Variants in MTDH observed in about 807,000 individuals in gnomAD.
MTDH encodes the protein metadherin, also known as protein LYRIC.
MTDH carries 34 observed loss-of-function variants against 72.7 expected under a neutral mutation model. The observed-to-expected ratio is 0.47, with a 90% CI of 0.36 to 0.62. The LOEUF (loss-of-function observed/expected upper bound fraction) is 0.62. Among genes scored for constraint, MTDH ranks in the 20% least tolerant of loss-of-function variants. The pLI is 0.00. For missense variants in MTDH, 677 were observed against 699.4 expected (o/e 0.97, Z 0.36); for synonymous variants, 266 against 268.9 (o/e 0.99, Z 0.10).
intron 2 of MTDH, among the ~76,000 whole-genome samples, chr8:97,669,640 A>G (rs1302834276): frequency 4.0e-5 from 6 of 151,782 alleles, no homozygotes; most frequent in African/African-American, 9.7e-5. Flanking sequence ...ACTCCCGCCA[A>G]TCACAGTGGC....
At chr8:97,686,448 A>G (rs1443220470) in intron 2 of MTDH, among the ~76,000 whole-genome samples, 5 of 152,240 alleles carry the variant, frequency 3.3e-5, no homozygotes, top group Non-Finnish European at 5.9e-5. Flanking sequence ...CTTTTAAGGA[A>G]TAAATAAGAA....
At chr8:97,671,088 C>G (rs1190644782) in intron 2 of MTDH, among the ~76,000 whole-genome samples, 3 of 151,844 alleles carry the variant, frequency 2.0e-5, no homozygotes, top group Non-Finnish European at 2.9e-5. Flanking sequence ...GCCTCAGCCT[C>G]CCGAGTAGCT....
At chr8:97,690,718 C>A (rs1813568270) in intron 5 of MTDH, among the ~76,000 whole-genome samples, 1 of 152,066 alleles carries the variant, frequency 6.6e-6, no homozygotes, top group South Asian at 2.1e-4. Context: ...GTGTCATTTT[C>A]CTCTTTGCTC....
chr8:97,726,757 G>A lies in MTDH; in HGVS notation c.*2087G>A, dbSNP rs1815367946. Reference sequence around the variant, plus strand: ...TCTATTTCTTCTTTATGGCTCAAGAGCTAGGACTTGGATTTTGTTTTAAGA... The same window carrying A: ...TCTATTTCTTCTTTATGGCTCAAGAACTAGGACTTGGATTTTGTTTTAAGA... On this transcript the variant is annotated 3_prime_UTR_variant, in exon 12 of 12. Transcript: ENST00000336273. 6.6e-6 allele frequency: 1 copy of A among 152,196 alleles called. No homozygotes were observed. Among genetic ancestry groups the A allele is most frequent in the South Asian group, 2.1e-4 (1 of 4,822 alleles). 9.4% of individuals were successfully genotyped at this position (152,196 alleles called of 1,614,324 possible).
intron 1 of MTDH, among the ~76,000 whole-genome samples, chr8:97,647,452 A>G (rs973689288): frequency 2.0e-5 from 3 of 152,094 alleles, no homozygotes; most frequent in East Asian, 1.9e-4. Flanking sequence ...AGTCCCAGCT[A>G]TTCTGGAGGC....
intron 5 of MTDH, among the ~76,000 whole-genome samples, chr8:97,689,848 C>T (rs1287036699): frequency 2.0e-5 from 3 of 151,588 alleles, no homozygotes; most frequent in African/African-American, 7.3e-5. Context: ...GCAGGGATTA[C>T]AGGCGCCCAC....
intron 2 of MTDH, among the ~76,000 whole-genome samples, chr8:97,668,845 G>A (rs967473249): frequency 2.0e-5 from 3 of 151,904 alleles, no homozygotes; most frequent in African/African-American, 2.4e-5. Flanking sequence ...ATGAGCCACC[G>A]CGCCCGGCCA....
intron 2 of MTDH, among the ~76,000 whole-genome samples, chr8:97,668,282 A>G (rs1812471974): frequency 1.3e-5 from 2 of 152,034 alleles, no homozygotes; most frequent in African/African-American, 4.8e-5. Context: ...GCTAGACTGC[A>G]TCTCAAAAAA....
chr8:97,674,123 C>T (rs80134291), intron 2 of MTDH, among the ~76,000 whole-genome samples: 216 of 152,234 alleles, frequency 1.4e-3, no homozygotes, highest in Middle Eastern at 3.4e-3. Flanking sequence ...GTCACTGGCA[C>T]TCCAGCCTGA....
At chr8:97,724,557 T>G in intron 11 of MTDH, 43 bp from the exon 12 acceptor site, 1 of 1,353,668 alleles carries the variant, frequency 7.4e-7, no homozygotes, top group Non-Finnish European at 1.0e-6. Context: ...GTATTTACCA[T>G]CCTCCTAATT....
chr8:97,678,314 G>A (rs1334634131), intron 2 of MTDH, among the ~76,000 whole-genome samples: 1 of 152,186 alleles, frequency 6.6e-6, no homozygotes, highest in Non-Finnish European at 1.5e-5. Context: ...GAGTTAGGGA[G>A]AGATACCACC....
intron 2 of MTDH, among the ~76,000 whole-genome samples, chr8:97,683,021 T>A (rs1813197898): frequency 6.8e-6 from 1 of 147,668 alleles, no homozygotes; most frequent in South Asian, 2.2e-4. Flanking sequence ...GTTTCACCAC[T>A]TTACCCTATG....
At chr8:97,682,438 A>G (rs1252721504) in intron 2 of MTDH, among the ~76,000 whole-genome samples, 1 of 148,922 alleles carries the variant, frequency 6.7e-6, no homozygotes, top group Non-Finnish European at 1.5e-5. Context: ...AGCTGGGATT[A>G]TAGGCGCCCG....
intron 1 of MTDH, among the ~76,000 whole-genome samples, chr8:97,653,666 G>A (rs997838894): frequency 6.6e-6 from 1 of 152,192 alleles, no homozygotes; most frequent in Non-Finnish European, 1.5e-5. Flanking sequence ...TTACTGGTTA[G>A]TGTACTATTT....
intron 2 of MTDH, among the ~76,000 whole-genome samples, chr8:97,666,344 A>C (rs1271559754): frequency 6.6e-6 from 1 of 152,192 alleles, no homozygotes; most frequent in African/African-American, 2.4e-5. Flanking sequence ...TGTACAAAAC[A>C]TTTTCATATC....
chr8:97,708,264 C>CTTTTTTTTTTTTT (rs71271145), intron 8 of MTDH, among the ~76,000 whole-genome samples: 1 of 32,070 alleles, frequency 3.1e-5, no homozygotes, highest in Non-Finnish European at 5.0e-5. Flanking sequence ...CATGCCAGGC[C>CTTTTTTTTTTTTT]TTTTTTTTTT....
At chr8:97,675,800 A>T (rs1257156726) in intron 2 of MTDH, among the ~76,000 whole-genome samples, 1 of 151,746 alleles carries the variant, frequency 6.6e-6, no homozygotes. Flanking sequence ...TAAGCCCAGG[A>T]GGTAGAAGTT....
chr8:97,669,136 T>C (rs1179548750), intron 2 of MTDH, among the ~76,000 whole-genome samples: 1 of 152,194 alleles, frequency 6.6e-6, no homozygotes, highest in East Asian at 1.9e-4. Context: ...CACAGAGTTT[T>C]ACAGCTATCA....
chr8:97,671,014 G>A lies in MTDH; in HGVS notation c.483+9841G>A, dbSNP rs184952967. ...CGCTCTGTCGCCCAGGCCGGACTGC[G>A]GACTGCAGTGGCGCAATCTCGGCTC... On this transcript the variant is annotated intron_variant, in intron 2 of 11. Transcript: ENST00000336273. Among the ~76,000 whole-genome samples, 192 of 140,868 alleles carry A rather than the reference G, an allele frequency of 1.4e-3. 1 individual carries two copies. Among genetic ancestry groups the A allele is most frequent in the African/African-American group, 4.5e-3 (169 of 37,198 alleles). The allele number at this position is 140,868 out of a possible 152,430, so 92.4% of individuals were successfully genotyped here. A position where few individuals can be genotyped will look rare whatever the true frequency, so the allele number is the denominator to read the frequency against.
Sources: allele counts gnomAD v4.1 joint callset (sites outside exome capture counted in the v4.1 genomes callset), GRCh38; gene constraint gnomAD v4.1.1; transcripts MANE v1.5; gene names NCBI Gene and HGNC (gene_info 2026-07-23, HGNC 2026-07-21).